The following SMG1 variants were observed in gnomAD, a reference collection of about 807,000 sequenced individuals.
SMG1 encodes serine/threonine-protein kinase SMG1.
SMG1 carries 22 observed loss-of-function variants against 419.9 expected under a neutral mutation model. That is an observed-to-expected ratio of 0.05 (90% confidence interval 0.04 to 0.07). SMG1 has a LOEUF of 0.07. Among genes scored for constraint, SMG1 ranks in the 10% least tolerant of loss-of-function variants. The probability of loss-of-function intolerance (pLI) is 1.00; values close to 1 mark genes in which losing one functional copy is unlikely to be tolerated. For synonymous variants in SMG1, 1,538 were observed against 1,553.5 expected (o/e 0.99, Z 0.23); for missense variants, 3,185 against 4,342.0 (o/e 0.73, Z 7.49).
chr16:18,900,026 T>C (rs2037285263), intron 1 of SMG1: 5 of 1,529,948 alleles, frequency 3.3e-6, no homozygotes, highest in Non-Finnish European at 2.6e-6. Context: ...GCCTTTGTGA[T>C]GTTTTGCATC....
intron 3 of SMG1, among the ~76,000 whole-genome samples, chr16:18,893,343 C>T (rs1393441040): frequency 6.6e-6 from 1 of 152,182 alleles, no homozygotes; most frequent in African/African-American, 2.4e-5. Flanking sequence ...TAGATTTTTG[C>T]TGGGCGAGGT....
Position 18,853,660 on chromosome 16 carries a change from T to C in SMG1, c.4691A>G (p.Asn1564Ser). ...NFTGLSTLSK[N>S]ILTLIELPSV... ...TGGCAGTTCTATTAGAGTGAGTATGTTTTTAGACAAAGTAGAAAGACCTGT... is the reference window on the plus strand; with the variant it reads ...TGGCAGTTCTATTAGAGTGAGTATGCTTTTAGACAAAGTAGAAAGACCTGT... Residue 1564 changes from asparagine to serine, a missense_variant, in exon 31 of 63, where the codon AAC becomes AGC. Coordinates refer to ENST00000446231, the MANE Select transcript of SMG1 (RefSeq NM_015092.5). The C allele has an allele frequency of 6.2e-7, 1 of 1,612,762 alleles. No homozygotes were observed. Among genetic ancestry groups the C allele is most frequent in the Non-Finnish European group, 8.5e-7 (1 of 1,179,296 alleles).
At chr16:18,882,847 G>GGGATACTA (rs1488523064) in intron 9 of SMG1, among the ~76,000 whole-genome samples, 1 of 152,134 alleles carries the variant, frequency 6.6e-6, no homozygotes, top group Non-Finnish European at 1.5e-5. Context: ...CGCAAAAACT[G>GGGATACTA]GGATACTAGA....
At chr16:18,882,103 G>A in intron 10 of SMG1, 62 bp downstream of exon 10, 1 of 1,169,784 alleles carries the variant, frequency 8.5e-7, no homozygotes, top group Non-Finnish European at 1.2e-6. Context: ...GTAAAGAGAA[G>A]CATTTACAGT....
At chr16:18,922,739 C>G (rs2038243719) in intron 1 of SMG1, among the ~76,000 whole-genome samples, 2 of 152,060 alleles carry the variant, frequency 1.3e-5, no homozygotes, top group South Asian at 4.1e-4. Flanking sequence ...CTCAGCCTCC[C>G]AAAGTGCTGG....
At chr16:18,923,266 G>A (rs2038266788) in intron 1 of SMG1, among the ~76,000 whole-genome samples, 1 of 152,140 alleles carries the variant, frequency 6.6e-6, no homozygotes, top group Non-Finnish European at 1.5e-5. Flanking sequence ...GAAGTATCAT[G>A]TGTGGTCAAA....
Position 18,812,587 on chromosome 16 carries a change from TACATATATATAC to T in SMG1, c.10622-472_10622-461del, listed in dbSNP as rs1286913971. 1.0e-4 allele frequency among the ~76,000 whole-genome samples: 15 copies of T among 149,480 alleles called. No homozygotes were observed. In the East Asian group the frequency reaches 2.5e-3, roughly 25 times the overall value. Reference sequence around the variant, plus strand: ...ACATATATATACACACACATATATATACATATATATACACATATATATACATACACACATATA... The same window carrying T: ...ACATATATATACACACACATATATATACATATATATACATACACACATATA... On this transcript the variant is annotated intron_variant, in intron 60 of 62. Transcript: ENST00000446231.
chr16:18,887,233 T>C (rs1325797438), intron 6 of SMG1, among the ~76,000 whole-genome samples: 1 of 152,124 alleles, frequency 6.6e-6, no homozygotes, highest in Non-Finnish European at 1.5e-5. Flanking sequence ...GCTGGGAAAA[T>C]GTTCATAATT....
rs532142473 is a variant in SMG1, at chr16:18,921,091, T to C, written c.92+4859A>G. ...GGTGGAGGTTACAAGTGAGCTGAGATTGTGCCACTATACTCCAGCCTGGGC... is the reference window on the plus strand; with the variant it reads ...GGTGGAGGTTACAAGTGAGCTGAGACTGTGCCACTATACTCCAGCCTGGGC... On this transcript the variant is annotated intron_variant, in intron 1 of 62. Transcript: ENST00000446231. 1.4e-3 allele frequency among the ~76,000 whole-genome samples: 212 copies of C among 150,262 alleles called. 3 individuals are homozygous for C. The highest frequency in any genetic ancestry group is 0.014 in the Middle Eastern group (4 of 290).
At chr16:18,888,044 A>T (rs1218171283) in intron 6 of SMG1, among the ~76,000 whole-genome samples, 1 of 151,556 alleles carries the variant, frequency 6.6e-6, no homozygotes, top group Non-Finnish European at 1.5e-5. Context: ...ACACTCCTGT[A>T]ATACCAGCTA....
chr16:18,838,149 T>A lies in SMG1; in HGVS notation c.7278A>T (p.Thr2426=), dbSNP rs753202194. 3.2e-5 allele frequency: 51 copies of A among 1,613,596 alleles called. No individual in the cohort carries two copies. Among genetic ancestry groups the A allele is most frequent in the Non-Finnish European group, 4.2e-5 (49 of 1,179,768 alleles). ...CAGCAAACCCAGCCTCGCCTCCTGC[T>A]GTCCAGTCCACCAGAGGGTCGTACA... is the stretch of plus-strand genomic sequence containing the variant. ...AFVYDPLVDW[T]AGGEAGFAGA... is the part of the protein sequence containing the mutation. Residue 2426 remains threonine (T), a synonymous_variant, in exon 45 of 63, where the codon ACA becomes ACT. Transcript: ENST00000446231.
intron 10 of SMG1, among the ~76,000 whole-genome samples, chr16:18,881,902 G>A (rs975473833): frequency 1.3e-5 from 2 of 151,902 alleles, no homozygotes; most frequent in East Asian, 1.9e-4. Flanking sequence ...ATTTAAAAAC[G>A]AAAGAATAAG....
chr16:18,819,020 T>C (rs1228850621), intron 56 of SMG1, among the ~76,000 whole-genome samples: 1 of 152,116 alleles, frequency 6.6e-6, no homozygotes, highest in Non-Finnish European at 1.5e-5. Context: ...GGTTTCACCA[T>C]ATTGGTCACG....
chr16:18,809,772 G>A, intron 62 of SMG1, 126 bp from the exon 63 acceptor site: 1 of 638,186 alleles, frequency 1.6e-6, no homozygotes, highest in Non-Finnish European at 2.8e-6. Context: ...CCCTGCTCCT[G>A]TAAGCCCCTT....
intron 1 of SMG1, among the ~76,000 whole-genome samples, chr16:18,897,253 T>C (rs1422146700): frequency 6.6e-6 from 1 of 152,228 alleles, no homozygotes; most frequent in Non-Finnish European, 1.5e-5. Context: ...GAAAGTCTCC[T>C]GTCCCAGGCA....
chr16:18,863,603 C>T (rs1430825322), intron 25 of SMG1, 47 bp downstream of exon 25: 1 of 1,512,034 alleles, frequency 6.6e-7, no homozygotes, highest in Admixed American at 1.7e-5. Flanking sequence ...GGAAAAACAT[C>T]ATAGTTATTG....
chr16:18,875,842 T>G lies in SMG1; in HGVS notation c.1890+282A>C, dbSNP rs1268277097. The G allele has an allele frequency of 1.2e-5, 6 of 504,554 alleles. No homozygotes were observed. In the Admixed American group the frequency reaches 2.3e-4, roughly 19 times the overall value. The allele number at this position is 504,554 out of a possible 1,614,324, so 31.3% of individuals were successfully genotyped here. Reference sequence around the variant, plus strand: ...GAAACACTGACATTTTCTATAAGCATGCTAGAGCAAATAGGAGAAATTCAT... The same window carrying G: ...GAAACACTGACATTTTCTATAAGCAGGCTAGAGCAAATAGGAGAAATTCAT... On this transcript the variant is annotated intron_variant, in intron 13 of 62. Transcript: ENST00000446231.
chr16:18,900,215 G>A (rs1294029243), intron 1 of SMG1: 1 of 469,550 alleles, frequency 2.1e-6, no homozygotes, highest in Non-Finnish European at 3.8e-6. Flanking sequence ...GTGCCTTACA[G>A]GATAAAGAGG....
chr16:18,844,992 C>T (rs1299803141), intron 39 of SMG1, among the ~76,000 whole-genome samples: 1 of 152,192 alleles, frequency 6.6e-6, no homozygotes, highest in Non-Finnish European at 1.5e-5. Context: ...TCCAGAACTA[C>T]TTGTAAAACT....
Sources: allele counts gnomAD v4.1 joint callset (sites outside exome capture counted in the v4.1 genomes callset), GRCh38; gene constraint gnomAD v4.1.1; transcripts MANE v1.5; gene names NCBI Gene and HGNC (gene_info 2026-07-23, HGNC 2026-07-21).